Variants in ATXN1 observed in about 807,000 individuals in gnomAD.
ATXN1 encodes ataxin-1.
A neutral mutation model predicts 56.4 loss-of-function variants in ATXN1; 8 were observed. The observed-to-expected ratio is 0.14, with a 90% CI of 0.08 to 0.26. ATXN1 has a LOEUF of 0.26. ATXN1 is among the 10% of genes least tolerant of loss of function. The probability of loss-of-function intolerance (pLI) is 1.00; values close to 1 mark genes in which losing one functional copy is unlikely to be tolerated. For missense variants in ATXN1, 987 were observed against 1,106.5 expected (o/e 0.89, Z 1.53); for synonymous variants, 514 against 494.6 (o/e 1.04, Z -0.52).
At chr6:16,673,394 T>A (rs1458167203) in intron 2 of ATXN1, among the ~76,000 whole-genome samples, 3 of 152,210 alleles carry the variant, frequency 2.0e-5, no homozygotes, top group African/African-American at 7.2e-5. Context: ...TTTATTTTCA[T>A]GCAATGCTGC....
chr6:16,664,236 A>G (rs1758380476), intron 2 of ATXN1, among the ~76,000 whole-genome samples: 1 of 152,256 alleles, frequency 6.6e-6, no homozygotes. Context: ...AGAAGTAGAA[A>G]CAGCTTCAAA....
chr6:16,586,678 C>T (rs960544655), intron 3 of ATXN1, among the ~76,000 whole-genome samples: 60 of 152,156 alleles, frequency 3.9e-4, no homozygotes, highest in African/African-American at 1.3e-3. Flanking sequence ...AGTACTATAC[C>T]ATCTCTTCAA....
intron 6 of ATXN1, among the ~76,000 whole-genome samples, chr6:16,457,718 T>A (rs965149654): frequency 6.6e-6 from 1 of 152,166 alleles, no homozygotes; most frequent in Non-Finnish European, 1.5e-5. Context: ...GCTGGCGATT[T>A]ACATTCCACA....
Position 16,306,513 on chromosome 6 carries a change from G to C in ATXN1, c.2264C>G (p.Ala755Gly). The C allele has an allele frequency of 6.2e-6, 10 of 1,614,168 alleles. No homozygotes were observed. The highest frequency in any genetic ancestry group is 8.5e-6 in the Non-Finnish European group (10 of 1,180,028). ...KFPEKMGLPA[A>G]PFLTKIEPSK... Reference sequence around the variant, plus strand: ...GGGTTCTATTTTGGTGAGGAAGGGCGCTGCAGGCAATCCCATTTTCTCTGG... The same window carrying C: ...GGGTTCTATTTTGGTGAGGAAGGGCCCTGCAGGCAATCCCATTTTCTCTGG... The change falls in exon 8 of 8, where the codon GCG (alanine) becomes GGG (glycine). Residue 755 changes from alanine to glycine, a missense_variant. Coordinates refer to ENST00000436367, the MANE Select transcript of ATXN1 (RefSeq NM_001128164.2). This position sits in a 1 kb window ranked among gnomAD's most constrained non-coding sequence, Gnocchi z 5.2.
intron 2 of ATXN1, chr6:16,739,141 T>C (rs964012343): frequency 1.4e-5 from 2 of 146,210 alleles, no homozygotes; most frequent in African/African-American, 2.6e-5. Context: ...AACATTAATA[T>C]ATACATTTTG....
At chr6:16,754,689 C>T (rs763817716) in intron 1 of ATXN1, 9 of 152,062 alleles carry the variant, frequency 5.9e-5, no homozygotes, top group African/African-American at 1.7e-4. Context: ...GATTGCCTGC[C>T]GAGGACTGAT....
At chr6:16,449,652 TTGTTAGCGATA>T (rs1759711905) in intron 6 of ATXN1, among the ~76,000 whole-genome samples, 1 of 152,222 alleles carries the variant, frequency 6.6e-6, no homozygotes, top group South Asian at 2.1e-4. Flanking sequence ...TGGTTTCACA[TTGTTAGCGATA>T]TCAGCTTTGA....
At chr6:16,476,471 G>A (rs1760328584) in intron 6 of ATXN1, among the ~76,000 whole-genome samples, 2 of 150,752 alleles carry the variant, frequency 1.3e-5, no homozygotes. Flanking sequence ...GCACTATAAA[G>A]AATGATGAGT....
At chr6:16,566,288 C>T (rs1460413128) in intron 4 of ATXN1, among the ~76,000 whole-genome samples, 1 of 152,012 alleles carries the variant, frequency 6.6e-6, no homozygotes. Flanking sequence ...TCTGTTTTTG[C>T]TTGGGTGAGG....
At chr6:16,336,837 C>T (rs1761133842) in intron 6 of ATXN1, among the ~76,000 whole-genome samples, 2 of 152,184 alleles carry the variant, frequency 1.3e-5, no homozygotes, top group African/African-American at 2.4e-5. Context: ...AAAGCAGCCC[C>T]ACTACTTATA....
chr6:16,375,105 C>A (rs1024872432), intron 6 of ATXN1, among the ~76,000 whole-genome samples: 1 of 152,228 alleles, frequency 6.6e-6, no homozygotes, highest in African/African-American at 2.4e-5. Context: ...CTGAAGAAAG[C>A]CGAGGCATTC....
chr6:16,742,695 C>T (rs1760383696), intron 2 of ATXN1, among the ~76,000 whole-genome samples: 1 of 152,180 alleles, frequency 6.6e-6, no homozygotes, highest in Non-Finnish European at 1.5e-5. Context: ...AAGTCATTTA[C>T]AACCCAGAGG....
At chr6:16,622,869 TTTTTTAACTGTC>T (rs1763342954) in intron 3 of ATXN1, among the ~76,000 whole-genome samples, 1 of 152,240 alleles carries the variant, frequency 6.6e-6, no homozygotes, top group African/African-American at 2.4e-5. Flanking sequence ...CTAGCCTTTT[TTTTTTAACTGTC>T]TCAGGGTGAA....
intron 2 of ATXN1, among the ~76,000 whole-genome samples, chr6:16,661,147 G>A (rs1183646750): frequency 1.3e-5 from 2 of 151,856 alleles, no homozygotes; most frequent in Non-Finnish European, 2.9e-5. Context: ...CAGGAAAAGG[G>A]TATTGTAATC....
At chr6:16,598,594 C>T (rs1265521952) in intron 3 of ATXN1, among the ~76,000 whole-genome samples, 1 of 152,174 alleles carries the variant, frequency 6.6e-6, no homozygotes, top group Non-Finnish European at 1.5e-5. Context: ...AGACCACACC[C>T]ACAGCAGCCA....
At chr6:16,690,805 G>T (rs1270901406) in intron 2 of ATXN1, among the ~76,000 whole-genome samples, 1 of 152,152 alleles carries the variant, frequency 6.6e-6, no homozygotes, top group South Asian at 2.1e-4. Flanking sequence ...TGCCTGGAGC[G>T]AGACCTGACC....
Position 16,326,481 on chromosome 6 carries a change from G to T in ATXN1, c.1830C>A (p.Ile610=), listed in dbSNP as rs35525606. 4 of 1,614,004 alleles carry T rather than the reference G, an allele frequency of 2.5e-6. No individual in the cohort carries two copies. In the Admixed American group the frequency reaches 5.0e-5, roughly 20 times the overall value. The part of the protein sequence containing the change: ...QSAEISNDLK[I]DSSTVERIED... ...CAATCCTCTCTACGGTGCTGGAGTC[G>T]ATCTTCAGGTCGTTGCTTATCTCTG... Residue 610 remains isoleucine, a synonymous_variant, in exon 7 of 8, where the codon ATC becomes ATA. Transcript: ENST00000436367. The surrounding 1 kb of genome is among the most constrained non-coding windows in gnomAD (Gnocchi z 6.6).
intron 3 of ATXN1, among the ~76,000 whole-genome samples, chr6:16,591,090 T>G (rs9477181): frequency 0.1 from 15,360 of 152,054 alleles, 2,383 homozygotes; most frequent in African/African-American, 0.34. Flanking sequence ...CAAAGTGCTG[T>G]GATTACAGGC....
intron 1 of ATXN1, among the ~76,000 whole-genome samples, chr6:16,754,439 G>A (rs1370915622): frequency 6.6e-6 from 1 of 152,152 alleles, no homozygotes; most frequent in African/African-American, 2.4e-5. Context: ...CTATGAATAT[G>A]ATCTCCAATG....
Sources: gnomAD v4.1 joint callset for allele counts (sites outside exome capture counted in the v4.1 genomes callset) on GRCh38, gnomAD v4.1.1 for gene constraint, Gnocchi (gnomAD v3.1) non-coding constraint, MANE v1.5 for transcripts, NCBI Gene and HGNC (gene_info 2026-07-23, HGNC 2026-07-21) for gene names.